The following PSMG2 variants were observed in gnomAD, a reference collection of about 807,000 sequenced individuals.
The protein encoded by PSMG2 is proteasome assembly chaperone 2.
Under a neutral mutation model 31.5 loss-of-function variants are expected in PSMG2, and 21 were observed. The observed-to-expected ratio is 0.67, with a 90% confidence interval of 0.47 to 0.96. PSMG2 has a LOEUF of 0.96. Among genes scored for constraint, PSMG2 ranks in the 40% least tolerant of loss-of-function variants. PSMG2 has a pLI of 0.00. For synonymous variants in PSMG2, 120 were observed against 110.4 expected (o/e 1.09, Z -0.54); for missense variants, 318 against 321.2 (o/e 0.99, Z 0.08).
At chr18:12,662,477 C>T (rs1598600783) in intron 1 of PSMG2, among the ~76,000 whole-genome samples, 3 of 152,124 alleles carry the variant, frequency 2.0e-5, no homozygotes, top group Admixed American at 2.0e-4. Flanking sequence ...TCACAGAGAG[C>T]GAGAATAAAG....
chr18:12,716,900 C>T (rs187833264), intron 3 of PSMG2, among the ~76,000 whole-genome samples: 1 of 151,616 alleles, frequency 6.6e-6, no homozygotes, highest in East Asian at 1.9e-4. Context: ...GCAGGACCAG[C>T]ACTCTAACCC....
At chr18:12,697,176 G>A in intron 1 of PSMG2, 1 of 1,236,036 alleles carries the variant, frequency 8.1e-7, no homozygotes, top group South Asian at 1.5e-5. Context: ...ATTTACAAAT[G>A]AACTGTGGCT....
At chr18:12,680,864 C>T in intron 1 of PSMG2, 4 of 1,547,456 alleles carry the variant, frequency 2.6e-6, no homozygotes, top group Non-Finnish European at 2.6e-6. Flanking sequence ...TTCATTCTTC[C>T]ATATTATTTC....
At chr18:12,705,584 T>A (rs1271272839) in intron 1 of PSMG2, among the ~76,000 whole-genome samples, 3 of 151,208 alleles carry the variant, frequency 2.0e-5, no homozygotes, top group African/African-American at 4.9e-5. Context: ...AGAGTGTGTG[T>A]GTGTGTGTGT....
intron 1 of PSMG2, chr18:12,658,837 C>T (rs1162515023): frequency 6.2e-6 from 2 of 321,732 alleles, no homozygotes; most frequent in East Asian, 1.8e-4. Flanking sequence ...AAAAGCTAAA[C>T]CAGCGCCTGG....
In PSMG2 at chr18:12,687,803, G is replaced by A. The variant is rs965394810; in HGVS notation, c.-36-18747G>A. 1.3e-4 allele frequency among the ~76,000 whole-genome samples: 19 copies of A among 151,862 alleles called. 1 individual carries two copies. The highest frequency in any genetic ancestry group is 7.9e-4 in the Admixed American group (12 of 15,208). ...AGGATTATTATTCTAATTTTGGGGG[G>A]ATGTAGAGAACTATGGTTTTCTTTT... On this transcript the variant is annotated intron_variant, in intron 1 of 6. Transcript: ENST00000585331.
chr18:12,677,161 G>C (rs1265685642), intron 1 of PSMG2, among the ~76,000 whole-genome samples: 1 of 152,028 alleles, frequency 6.6e-6, no homozygotes, highest in Non-Finnish European at 1.5e-5. Flanking sequence ...TTTGACAAGA[G>C]GCTTGATCTG....
chr18:12,715,113 A>T (rs897208110), intron 3 of PSMG2, among the ~76,000 whole-genome samples: 7 of 151,362 alleles, frequency 4.6e-5, no homozygotes, highest in African/African-American at 1.7e-4. Context: ...GGTTCAAGCG[A>T]TTCTCCTGCC....
At chr18:12,708,700 C>CT (rs71371298) in intron 2 of PSMG2, among the ~76,000 whole-genome samples, 18,071 of 88,852 alleles carry the variant, frequency 0.2, 2,599 homozygotes, top group Non-Finnish European at 0.28. Context: ...TTACAACGTT[C>CT]TTTTTTTTTT....
At chr18:12,707,435 G>A (rs147909496) in intron 2 of PSMG2, among the ~76,000 whole-genome samples, 3 of 152,198 alleles carry the variant, frequency 2.0e-5, no homozygotes, top group East Asian at 1.9e-4. Flanking sequence ...TATATGTTAC[G>A]TCAACTAAGT....
chr18:12,668,625 A>T (rs1321055501), intron 1 of PSMG2, among the ~76,000 whole-genome samples: 1 of 144,524 alleles, frequency 6.9e-6, no homozygotes, highest in African/African-American at 2.6e-5. Flanking sequence ...AAAAAAAAAA[A>T]AAAATAGTGA....
intron 1 of PSMG2, chr18:12,685,012 CTTTT>C (rs932893246): frequency 1.4e-5 from 2 of 146,098 alleles, no homozygotes; most frequent in African/African-American, 5.0e-5. Flanking sequence ...GCCATTTTCT[CTTTT>C]TTTTTTATGG....
chr18:12,669,903 A>G (rs139164570), intron 1 of PSMG2, among the ~76,000 whole-genome samples: 1,668 of 145,202 alleles, frequency 0.011, 19 homozygotes, highest in South Asian at 0.023. Context: ...AGGCTGAGTC[A>G]GGAGAATCAC....
chr18:12,677,713 C>T (rs1007301750), intron 1 of PSMG2, among the ~76,000 whole-genome samples: 45 of 152,140 alleles, frequency 3.0e-4, no homozygotes, highest in African/African-American at 9.7e-4. Flanking sequence ...CCCACCTCAG[C>T]CTCCCAAAGT....
At chr18:12,665,475 A>G (rs1301011061) in intron 1 of PSMG2, among the ~76,000 whole-genome samples, 1 of 152,146 alleles carries the variant, frequency 6.6e-6, no homozygotes, top group African/African-American at 2.4e-5. Flanking sequence ...TTGTATAAAG[A>G]GCCACTGATG....
rs2040469767 is a variant in PSMG2 at position 12,725,599 on chromosome 18, C to CA, written c.*75dup. On this transcript the variant is annotated 3_prime_UTR_variant, in exon 7 of 7. Transcript: ENST00000317615. The stretch of plus-strand genomic sequence containing the variant: ...CAACACAGCTGTTAAACATTCTATA[C>CA]AAAAAAATTGTATGATCTGGTATTA... 5.0e-6 allele frequency: 6 copies of CA among 1,209,130 alleles called. No homozygotes were observed. Among genetic ancestry groups the CA allele is most frequent in the South Asian group, 3.0e-5 (2 of 66,042 alleles). 74.9% of individuals were successfully genotyped at this position (1,209,130 alleles called of 1,614,324 possible).
At chr18:12,675,030 A>G (rs2039072529) in intron 1 of PSMG2, among the ~76,000 whole-genome samples, 1 of 152,194 alleles carries the variant, frequency 6.6e-6, no homozygotes, top group African/African-American at 2.4e-5. Flanking sequence ...TATCTACTAC[A>G]AAATACTATA....
intron 1 of PSMG2, among the ~76,000 whole-genome samples, chr18:12,678,833 G>A (rs2039240270): frequency 6.6e-6 from 1 of 152,056 alleles, no homozygotes; most frequent in Non-Finnish European, 1.5e-5. Context: ...GCACGTGCCT[G>A]TAGTCCCAGC....
At chr18:12,698,362 TTTCG>T (rs2040035114), upstream of PSMG2, among the ~76,000 whole-genome samples, 2 of 151,954 alleles carry the variant, frequency 1.3e-5, no homozygotes, top group African/African-American at 2.4e-5. Flanking sequence ...AGAGACAGGG[TTTCG>T]ACATGTTGGC....
Sources: gnomAD v4.1 joint callset for allele counts (sites outside exome capture counted in the v4.1 genomes callset) on GRCh38, gnomAD v4.1.1 for gene constraint, MANE v1.5 for transcripts, NCBI Gene and HGNC (gene_info 2026-07-23, HGNC 2026-07-21) for gene names.